KCNJ3: variants seen among roughly 807,000 people sequenced by gnomAD.
KCNJ3 encodes the protein potassium inwardly rectifying channel subfamily J member 3, also known as G protein-activated inward rectifier potassium channel 1.
KCNJ3 carries 4 observed loss-of-function variants against 39.2 expected under a neutral mutation model. The ratio of observed to expected loss-of-function variants is 0.10; its 90% CI spans 0.05 to 0.23. The LOEUF is 0.23. Among genes scored for constraint, KCNJ3 ranks in the 10% least tolerant of loss-of-function variants. KCNJ3 has a pLI of 1.00. For synonymous variants in KCNJ3, 230 were observed against 237.4 expected (o/e 0.97, Z 0.29); for missense variants, 276 against 634.9 (o/e 0.43, Z 6.08).
rs371287911 is a variant in KCNJ3, at chr2:154,848,823, A to G, written c.920-5904A>G. Among the ~76,000 whole-genome samples the G allele has an allele frequency of 3.9e-4, 60 of 152,204 alleles. 1 individual carries two copies. In the East Asian group the frequency reaches 7.0e-3, roughly 18 times the overall value. On this transcript the variant is annotated intron_variant, in intron 2 of 2. Coordinates refer to ENST00000295101, the MANE Select transcript of KCNJ3 (RefSeq NM_002239.4). ...TGACACCACAGTACTTACTGCAGGG[A>G]GTTGTGCAGAGTGCCTCTGGTGTTC...
At chr2:154,735,394 G>A (rs1685513687) in intron 2 of KCNJ3, among the ~76,000 whole-genome samples, 1 of 151,936 alleles carries the variant, frequency 6.6e-6, no homozygotes, top group Admixed American at 6.6e-5. Context: ...GATTACAGGC[G>A]TGAGCCACGG....
chr2:154,726,826 CACACACACA>C lies in KCNJ3; in HGVS notation c.919+17008_919+17016del, dbSNP rs1558857538. On this transcript the variant is annotated intron_variant, in intron 2 of 2. Coordinates refer to ENST00000295101, the MANE Select transcript of KCNJ3 (RefSeq NM_002239.4). Reference sequence around the variant, plus strand: ...ACACACACACACACACACACACACACACACACACATACACCATGGAATACTACTCAGCCA... The same window carrying C: ...ACACACACACACACACACACACACACTACACCATGGAATACTACTCAGCCA... 8.0e-5 allele frequency among the ~76,000 whole-genome samples: 12 copies of C among 150,776 alleles called. No homozygotes were observed. The South Asian group carries it at 1.0e-3, about 13-fold the overall frequency.
chr2:154,791,147 G>A (rs998322356), intron 2 of KCNJ3, among the ~76,000 whole-genome samples: 2 of 151,952 alleles, frequency 1.3e-5, no homozygotes, highest in African/African-American at 2.4e-5. Flanking sequence ...CTGATCTAGG[G>A]AAGTGTGGAA....
intron 2 of KCNJ3, among the ~76,000 whole-genome samples, chr2:154,742,136 A>G (rs1224594567): frequency 6.6e-6 from 1 of 151,798 alleles, no homozygotes; most frequent in Non-Finnish European, 1.5e-5. Flanking sequence ...ATCATATAAT[A>G]TTTGTCTTTT....
At chr2:154,709,497 T>C in intron 1 of KCNJ3, 106 bp from the exon 2 acceptor site, 2 of 1,135,806 alleles carry the variant, frequency 1.8e-6, no homozygotes, top group Non-Finnish European at 2.5e-6. Context: ...TTGTTGCAGA[T>C]GATTGATAGT....
chr2:154,787,342 C>A (rs11690240), intron 2 of KCNJ3, among the ~76,000 whole-genome samples: 23,527 of 151,194 alleles, frequency 0.16, 1,922 homozygotes, highest in East Asian at 0.33. Flanking sequence ...CTTTTTTGTG[C>A]CTTCTTAATA....
rs540052068 is a variant in KCNJ3, at chr2:154,715,337, C to A, written c.919+5518C>A. Among the ~76,000 whole-genome samples, 94 of 152,278 alleles carry A rather than the reference C, an allele frequency of 6.2e-4. 1 individual carries two copies. Among genetic ancestry groups the A allele is most frequent in the Middle Eastern group, 6.8e-3 (2 of 294 alleles). On this transcript the variant is annotated intron_variant, in intron 2 of 2. Transcript: ENST00000295101. ...CTGCTCCATCAAAATACACACATTTCTTATTGAGAAAATTAGGCTGCCCTT... is the reference window on the plus strand; with the variant it reads ...CTGCTCCATCAAAATACACACATTTATTATTGAGAAAATTAGGCTGCCCTT...
chr2:154,711,513 C>T (rs1017144649), intron 2 of KCNJ3, among the ~76,000 whole-genome samples: 6 of 152,066 alleles, frequency 3.9e-5, no homozygotes, highest in African/African-American at 1.4e-4. Flanking sequence ...TCATTCATTT[C>T]TGTTTTTCCC....
chr2:154,849,583 CTG>C (rs1687720661), intron 2 of KCNJ3, among the ~76,000 whole-genome samples: 1 of 152,262 alleles, frequency 6.6e-6, no homozygotes, highest in South Asian at 2.1e-4. Context: ...GTGATATTTT[CTG>C]TGTCACAGCA....
At chr2:154,796,822 G>A (rs187143865) in intron 2 of KCNJ3, among the ~76,000 whole-genome samples, 1 of 152,236 alleles carries the variant, frequency 6.6e-6, no homozygotes, top group East Asian at 1.9e-4. Flanking sequence ...ATTAGAAGAA[G>A]CTGTATCATT....
In KCNJ3 at chr2:154,821,062, CTCAT is replaced by C. The variant is rs529462766; in HGVS notation, c.920-33663_920-33660del. Among the ~76,000 whole-genome samples, 61 of 152,204 alleles carry C rather than the reference CTCAT, an allele frequency of 4.0e-4. 1 individual carries two copies. In the South Asian group the frequency reaches 0.013, roughly 32 times the overall value. On this transcript the variant is annotated intron_variant, in intron 2 of 2. Transcript: ENST00000295101. Reference sequence around the variant, plus strand: ...ACATTCAATATTTCTCTTAATTATACTCATTATTCTTTTCCATGCTCAAATTCCT... The same window carrying C: ...ACATTCAATATTTCTCTTAATTATACTATTCTTTTCCATGCTCAAATTCCT...
intron 2 of KCNJ3, among the ~76,000 whole-genome samples, chr2:154,760,247 CT>C (rs1315972863): frequency 6.6e-6 from 1 of 152,022 alleles, no homozygotes; most frequent in Non-Finnish European, 1.5e-5. Context: ...AAAGTTTAAC[CT>C]TTTTTCATAT....
intron 2 of KCNJ3, among the ~76,000 whole-genome samples, chr2:154,755,355 G>T (rs912999275): frequency 4.0e-5 from 6 of 151,684 alleles, no homozygotes; most frequent in African/African-American, 9.7e-5. Flanking sequence ...CAAAATATGA[G>T]TATTCTCTGG....
chr2:154,812,364 G>C (rs115111611), intron 2 of KCNJ3, among the ~76,000 whole-genome samples: 9,026 of 152,104 alleles, frequency 0.059, 357 homozygotes, highest in African/African-American at 0.1. Context: ...GTAGGACACA[G>C]AATATATCCA....
chr2:154,809,840 A>T (rs1265402441), intron 2 of KCNJ3, among the ~76,000 whole-genome samples: 1 of 152,096 alleles, frequency 6.6e-6, no homozygotes, highest in Non-Finnish European at 1.5e-5. Flanking sequence ...AAGAAATAAC[A>T]TTGTCTATTT....
At chr2:154,853,707 C>T (rs149134747) in intron 2 of KCNJ3, among the ~76,000 whole-genome samples, 65 of 152,126 alleles carry the variant, frequency 4.3e-4, no homozygotes, top group African/African-American at 1.5e-3. Context: ...TAATTTATTC[C>T]TGTACTTCCA....
intron 2 of KCNJ3, among the ~76,000 whole-genome samples, chr2:154,814,458 T>G (rs904508735): frequency 6.6e-6 from 1 of 151,978 alleles, no homozygotes; most frequent in African/African-American, 2.4e-5. Context: ...GCCAACATGG[T>G]GAAACCTCGT....
chr2:154,786,042 A>G (rs1686523830), intron 2 of KCNJ3, among the ~76,000 whole-genome samples: 1 of 152,220 alleles, frequency 6.6e-6, no homozygotes, highest in Non-Finnish European at 1.5e-5. Flanking sequence ...TAATCATGAA[A>G]TTGATGGTTA....
chr2:154,797,922 T>A (rs560248221), intron 2 of KCNJ3, among the ~76,000 whole-genome samples: 197 of 152,256 alleles, frequency 1.3e-3, no homozygotes, highest in African/African-American at 4.6e-3. Flanking sequence ...GGCACAATGT[T>A]CTACAGCAGA....
Sources: gnomAD v4.1 joint callset for allele counts (sites outside exome capture counted in the v4.1 genomes callset) on GRCh38, gnomAD v4.1.1 for gene constraint, MANE v1.5 for transcripts, NCBI Gene and HGNC (gene_info 2026-07-23, HGNC 2026-07-21) for gene names.